ZNF704: variants seen among roughly 807,000 people sequenced by gnomAD.
The protein encoded by ZNF704 is zinc finger protein 704.
In ZNF704, 10 loss-of-function variants were observed where a neutral mutation model predicts 44.7. That is an observed-to-expected ratio of 0.22 (90% confidence interval 0.14 to 0.38). The LOEUF is 0.38. Ranked by LOEUF, ZNF704 falls within the 10% of genes least tolerant of loss-of-function variation. The pLI is 1.00. For synonymous variants in ZNF704, 211 were observed against 207.6 expected, an observed-to-expected ratio of 1.02 and a Z score of -0.14; for missense variants, 390 against 545.5, an observed-to-expected ratio of 0.71 and a Z score of 2.84.
At chr8:80,736,429 G>A (rs535802765) in intron 2 of ZNF704, among the ~76,000 whole-genome samples, 19 of 152,178 alleles carry the variant, frequency 1.2e-4, no homozygotes, top group Middle Eastern at 3.4e-3. Context: ...ACAGGCACGC[G>A]CCACCACGCC....
intron 2 of ZNF704, among the ~76,000 whole-genome samples, chr8:80,816,902 A>G (rs1244245734): frequency 6.6e-6 from 1 of 152,204 alleles, no homozygotes; most frequent in Non-Finnish European, 1.5e-5. Flanking sequence ...TTCCCTTGAA[A>G]TCAATCAAGC....
chr8:80,871,290 G>A (rs1296305163), intron 1 of ZNF704, among the ~76,000 whole-genome samples: 1 of 152,128 alleles, frequency 6.6e-6, no homozygotes, highest in Non-Finnish European at 1.5e-5. Flanking sequence ...CTCTTTGCAG[G>A]CACCTCCCAG....
rs1174202747 is a variant in ZNF704 at position 80,631,880 on chromosome 8, TAA to T, written c.*9484_*9485del. 6.6e-6 allele frequency: 1 copy of T among 152,166 alleles called. No homozygotes were observed. The highest frequency in any genetic ancestry group is 1.5e-5 in the Non-Finnish European group (1 of 68,046). The allele number at this position is 152,166 out of a possible 1,614,324, so 9.4% of individuals were successfully genotyped here. A position where few individuals can be genotyped will look rare whatever the true frequency, so the allele number is the denominator to read the frequency against. ...ATATTTATCCCCTTGCACCTTAATT[TAA>T]GAGAGAGAAAGCAGTAGCACAGAAA... On this transcript the variant is annotated 3_prime_UTR_variant, in exon 9 of 9. Coordinates refer to ENST00000327835, the MANE Select transcript of ZNF704 (RefSeq NM_001033723.3).
At chr8:80,819,996 G>A (rs1303149764) in intron 2 of ZNF704, among the ~76,000 whole-genome samples, 1 of 152,202 alleles carries the variant, frequency 6.6e-6, no homozygotes, top group Non-Finnish European at 1.5e-5. Context: ...CTGGTTAACT[G>A]TTAGAAACCA....
intron 2 of ZNF704, among the ~76,000 whole-genome samples, chr8:80,808,249 C>T (rs1316257473): frequency 1.3e-5 from 2 of 152,198 alleles, no homozygotes; most frequent in South Asian, 2.1e-4. Flanking sequence ...TATATTCCTC[C>T]CCAAATTATC....
chr8:80,811,713 A>G (rs1159667300), intron 2 of ZNF704, among the ~76,000 whole-genome samples: 1 of 152,212 alleles, frequency 6.6e-6, no homozygotes, highest in Non-Finnish European at 1.5e-5. Context: ...CTTACATTTC[A>G]ATTTTTTTCT....
chr8:80,690,897 T>C (rs111311908), intron 3 of ZNF704, among the ~76,000 whole-genome samples: 1,543 of 152,174 alleles, frequency 0.01, 13 homozygotes, highest in Non-Finnish European at 0.017. Flanking sequence ...TAATCTCAGC[T>C]ACTTGGGAGA....
chr8:80,655,978 T>C (rs1818008717), intron 7 of ZNF704, among the ~76,000 whole-genome samples: 1 of 152,164 alleles, frequency 6.6e-6, no homozygotes, highest in Non-Finnish European at 1.5e-5. Context: ...CGAATGTTTG[T>C]GTCCCTCAAA....
chr8:80,703,896 C>G (rs1230927487), intron 2 of ZNF704, among the ~76,000 whole-genome samples: 1 of 152,200 alleles, frequency 6.6e-6, no homozygotes, highest in Non-Finnish European at 1.5e-5. Context: ...CTGCAGTTCT[C>G]CTCTGCTCAC....
chr8:80,767,050 C>T lies in ZNF704; in HGVS notation c.221+54324G>A, dbSNP rs184305393. On this transcript the variant is annotated intron_variant, in intron 2 of 8. Coordinates refer to ENST00000327835, the MANE Select transcript of ZNF704 (RefSeq NM_001033723.3). ...TTTTAAATAAGGAAACCACACCATA[C>T]AGAGGTTAAGCTACTTTCCACAATA... is the stretch of plus-strand genomic sequence containing the variant. Among the ~76,000 whole-genome samples, 9 of 152,178 alleles carry T rather than the reference C, an allele frequency of 5.9e-5. No individual in the cohort carries two copies. The East Asian group carries it at 1.7e-3, about 30-fold the overall frequency.
rs113194508 is a variant in ZNF704, at chr8:80,705,586, A to G, written c.222-12479T>C. On this transcript the variant is annotated intron_variant, in intron 2 of 8. Transcript: ENST00000327835. ...GTGTGTGTGTTTCGGTCCTGTGTGT[A>G]TCCGTGTATGCATTTGTGTGTGTGT... Among the ~76,000 whole-genome samples the G allele has an allele frequency of 2.7e-3, 401 of 149,730 alleles. 1 individual carries two copies. The highest frequency in any genetic ancestry group is 9.4e-3 in the African/African-American group (380 of 40,378).
intron 2 of ZNF704, among the ~76,000 whole-genome samples, chr8:80,739,962 C>T (rs1365744468): frequency 6.6e-6 from 1 of 152,108 alleles, no homozygotes; most frequent in Non-Finnish European, 1.5e-5. Context: ...AGTGCCAGCC[C>T]ATGCCATCAC....
chr8:80,769,927 A>G (rs998586707), intron 2 of ZNF704, among the ~76,000 whole-genome samples: 1 of 152,220 alleles, frequency 6.6e-6, no homozygotes, highest in African/African-American at 2.4e-5. Context: ...AAAGAGGTTT[A>G]TTGGATTTAC....
chr8:80,802,814 A>G (rs373520993), intron 2 of ZNF704, among the ~76,000 whole-genome samples: 19 of 152,340 alleles, frequency 1.2e-4, no homozygotes, highest in African/African-American at 4.6e-4. Context: ...CTCCTGTTCA[A>G]CACGGTATTG....
intron 1 of ZNF704, among the ~76,000 whole-genome samples, chr8:80,868,002 GTTC>G (rs1809186705): frequency 6.6e-6 from 1 of 152,180 alleles, no homozygotes; most frequent in African/African-American, 2.4e-5. Context: ...AGATTCTTGT[GTTC>G]TTATCCCTAA....
rs748004965 is a variant in ZNF704 at position 80,862,838 on chromosome 8, G to T, written c.-22+11733C>A. Among the ~76,000 whole-genome samples the T allele has an allele frequency of 8.2e-4, 118 of 143,894 alleles. 1 individual carries two copies. The highest frequency in any genetic ancestry group is 7.8e-4 in the Non-Finnish European group (52 of 66,478). The allele number at this position is 143,894 out of a possible 152,430, so 94.4% of individuals were successfully genotyped here. A position where few individuals can be genotyped will look rare whatever the true frequency, so the allele number is the denominator to read the frequency against. On this transcript the variant is annotated intron_variant, in intron 1 of 8. Transcript: ENST00000327835. ...GTTGTCACTCAGCAGATGGCTAAAA[G>T]CACACTTTCAGAGCCTCTTGAACAC...
intron 6 of ZNF704, among the ~76,000 whole-genome samples, chr8:80,662,824 T>C (rs1818121950): frequency 6.6e-6 from 1 of 152,098 alleles, no homozygotes; most frequent in Admixed American, 6.5e-5. Flanking sequence ...ATGTTTACAG[T>C]GGAGTTATTA....
rs577650962 is a variant in ZNF704 at position 80,810,950 on chromosome 8, T to C, written c.221+10424A>G. 3.3e-5 allele frequency among the ~76,000 whole-genome samples: 5 copies of C among 152,310 alleles called. No homozygotes were observed. The South Asian group carries it at 1.0e-3, about 32-fold the overall frequency. On this transcript the variant is annotated intron_variant, in intron 2 of 8. Coordinates refer to ENST00000327835, the MANE Select transcript of ZNF704 (RefSeq NM_001033723.3). ...CAACAAACACTGCCATAGAAAGCTATGTTCCACCCCTAGCAGTGTGAGTGA... is the reference window on the plus strand; with the variant it reads ...CAACAAACACTGCCATAGAAAGCTACGTTCCACCCCTAGCAGTGTGAGTGA...
chr8:80,821,632 A>AG lies in ZNF704; in HGVS notation c.-21-18dup, dbSNP rs772814973. The AG allele has an allele frequency of 6.3e-7, 1 of 1,595,586 alleles. No individual in the cohort carries two copies. The highest frequency in any genetic ancestry group is 8.6e-7 in the Non-Finnish European group (1 of 1,164,814). ...GCTCCCCACCTGTGAAATGAAACAC[A>AG]GAAATTCTTACTCACATAAAACATC... On this transcript the variant is annotated splice_polypyrimidine_tract_variant and intron_variant, in intron 1 of 8. Transcript: ENST00000327835.
Sources: allele counts gnomAD v4.1 joint callset (sites outside exome capture counted in the v4.1 genomes callset), GRCh38; gene constraint gnomAD v4.1.1; transcripts MANE v1.5; gene names NCBI Gene and HGNC (gene_info 2026-07-23, HGNC 2026-07-21).